The following SPSB3 variants were observed in gnomAD, a reference collection of about 807,000 sequenced individuals.
SPSB3 encodes the protein SPRY domain-containing SOCS box protein 3.
In SPSB3, 18 loss-of-function variants were observed where a neutral mutation model predicts 29.5. The observed-to-expected ratio is 0.61, with a 90% confidence interval of 0.42 to 0.91. SPSB3 has a LOEUF of 0.91. Ranked by LOEUF, SPSB3 falls within the 40% of genes least tolerant of loss-of-function variation. The pLI, the probability that SPSB3 is intolerant of heterozygous loss-of-function variation, is 0.00. For missense variants in SPSB3, 540 were observed against 507.5 expected, an observed-to-expected ratio of 1.06 and a Z score of -0.61; for synonymous variants, 299 against 214.1, an observed-to-expected ratio of 1.40 and a Z score of -3.46.
intron 2 of SPSB3, chr16:1,780,156 G>T (rs998563182): frequency 6.6e-6 from 1 of 152,270 alleles, no homozygotes; most frequent in Non-Finnish European, 1.5e-5. Context: ...GGTGACAGAG[G>T]ACAAGCAGCA....
rs552854113 is a variant in SPSB3, at chr16:1,778,602, G to A, written c.137C>T (p.Ser46Leu). ...GYDSDGQHSD[S>L]DSDPEYSTLP... ...CGTGGAGTACTCGGGGTCGGAGTCC[G>A]AGTCGCTGTGCTGGGAGAGAAGGGC... The change falls in exon 3 of 7, where the codon TCG becomes TTG. Residue 46 changes from serine (S) to leucine (L), a missense_variant. Coordinates refer to ENST00000566339, the MANE Select transcript of SPSB3 (RefSeq NM_080861.4). The A allele has an allele frequency of 6.3e-5, 99 of 1,559,554 alleles. 1 individual carries two copies. The Middle Eastern group carries it at 6.4e-3, about 101-fold the overall frequency.
intron 2 of SPSB3, chr16:1,779,612 C>G (rs1345190308): frequency 1.3e-5 from 2 of 152,412 alleles, no homozygotes; most frequent in African/African-American, 2.4e-5. Context: ...GTGCGGGTCC[C>G]CAGAGCCAGG....
Position 1,778,253 on chromosome 16 carries a change from C to T in SPSB3, c.373G>A (p.Val125Ile), listed in dbSNP as rs746600669. The T allele has an allele frequency of 1.2e-6, 2 of 1,612,916 alleles. No individual in the cohort carries two copies. The highest frequency in any genetic ancestry group is 1.7e-6 in the Non-Finnish European group (2 of 1,179,992). The change falls in exon 4 of 7, where the codon GTC (valine) becomes ATC (isoleucine). Residue 125 changes from valine (V) to isoleucine (I), a missense_variant. Val to Ile is a conservative substitution (Grantham distance 29). Coordinates refer to ENST00000566339, the MANE Select transcript of SPSB3 (RefSeq NM_080861.4). Reference sequence around the variant, plus strand: ...CAGCTGTACTCCATGTGGAAGCTGACCTTACGGTTGTCACAGCTCAGCAGG... The same window carrying T: ...CAGCTGTACTCCATGTGGAAGCTGATCTTACGGTTGTCACAGCTCAGCAGG... ...ATLLSCDNRK[V>I]SFHMEYSCGT...
chr16:1,782,135 G>A (rs946573582), intron 1 of SPSB3: 3 of 153,318 alleles, frequency 2.0e-5, no homozygotes, highest in African/African-American at 7.2e-5. Flanking sequence ...CGCCAGCTCC[G>A]GGGTTCCCGC....
rs1226493669 is a variant in SPSB3, at chr16:1,778,518, G to A, written c.221C>T (p.Ala74Val). ...ACAGAAGGAGGCCTCGCTCTGCCCA[G>A]CACAGTCACAGAAGGACTCGCCGGT... ...PVTGESFCDCAGQSEASFCSS... is the reference protein window; with the variant it reads ...PVTGESFCDCVGQSEASFCSS... Residue 74 changes from alanine to valine, a missense_variant, in exon 3 of 7, where the codon GCT becomes GTT. Coordinates refer to ENST00000566339, the MANE Select transcript of SPSB3 (RefSeq NM_080861.4). 3 of 1,611,636 alleles carry A rather than the reference G, an allele frequency of 1.9e-6. No homozygotes were observed. The highest frequency in any genetic ancestry group is 2.5e-6 in the Non-Finnish European group (3 of 1,179,404).
At position 1,778,227 on chromosome 16, in the gene SPSB3, G is replaced by A. The variant is rs372948589; in HGVS notation, c.399C>T (p.Cys133=). The A allele has an allele frequency of 2.2e-5, 36 of 1,612,756 alleles. 1 individual carries two copies. The highest frequency in any genetic ancestry group is 1.6e-4 in the Middle Eastern group (1 of 6,078). The change falls in exon 4 of 7, where the codon TGC becomes TGT. Residue 133 remains cysteine (C), a synonymous_variant. Transcript: ENST00000566339. ...TGGTGCCCCGGATGGCCGCTGTGCC[G>A]CAGCTGTACTCCATGTGGAAGCTGA... The part of the protein sequence containing the change: ...RKVSFHMEYS[C]GTAAIRGTKE...
intron 2 of SPSB3, 64 bp from the exon 3 acceptor site, chr16:1,778,676 C>G: frequency 1.3e-6 from 2 of 1,491,254 alleles, no homozygotes; most frequent in South Asian, 1.3e-5. Context: ...CCCTTGCCCT[C>G]TGTCCCTGTC....
In SPSB3 at chr16:1,778,145, C is replaced by T. The variant is rs754902144; in HGVS notation, c.481G>A (p.Gly161Ser). 7 of 1,612,618 alleles carry T rather than the reference C, an allele frequency of 4.3e-6. No homozygotes were observed. Among genetic ancestry groups the T allele is most frequent in the Admixed American group, 1.7e-5 (1 of 60,012 alleles). ...CCGAAGCAACTTACCATGTCGGTGC[C>T]GTAGACGGGAGAGGTCATCTTGATC... ...WEIKMTSPVYGTDMMVGIGTS... is the reference protein window; with the variant it reads ...WEIKMTSPVYSTDMMVGIGTS... Residue 161 changes from glycine to serine, a missense_variant, in exon 4 of 7, where the codon GGC becomes AGC. Physicochemically the swap from Gly to Ser is moderately conservative, Grantham distance 56. Coordinates refer to ENST00000566339, the MANE Select transcript of SPSB3 (RefSeq NM_080861.4).
chr16:1,776,833 G>A lies in SPSB3; in HGVS notation c.*264C>T, dbSNP rs2042720262. 1.9e-5 allele frequency: 10 copies of A among 532,058 alleles called. No individual in the cohort carries two copies. In the South Asian group the frequency reaches 2.4e-4, roughly 13 times the overall value. The allele number at this position is 532,058 out of a possible 1,614,324, so 33.0% of individuals were successfully genotyped here. A position where few individuals can be genotyped will look rare whatever the true frequency, so the allele number is the denominator to read the frequency against. On this transcript the variant is annotated 3_prime_UTR_variant, in exon 7 of 7. Coordinates refer to ENST00000566339, the MANE Select transcript of SPSB3 (RefSeq NM_080861.4). ...GAGGCCCTGTGGGAACAGCAACGCG[G>A]GCTCCAGCCAGGCTCTCGTCCTCGC...
In SPSB3 at chr16:1,777,728, A is replaced by C. The variant is rs1446958668; in HGVS notation, c.721+19T>G. ...CGGGGTGACAGCTGAGAGGAGCTCAAGTCCTGTGACGGCCTCACCTATACA... is the reference window on the plus strand; with the variant it reads ...CGGGGTGACAGCTGAGAGGAGCTCACGTCCTGTGACGGCCTCACCTATACA... On this transcript the variant is annotated intron_variant, in intron 6 of 6. Transcript: ENST00000566339. 5 of 1,610,332 alleles carry C rather than the reference A, an allele frequency of 3.1e-6. No individual in the cohort carries two copies. The Admixed American group carries it at 8.3e-5, about 27-fold the overall frequency.
chr16:1,782,280 C>T lies in SPSB3; in HGVS notation c.-13+222G>A, dbSNP rs1298538953. 4 of 151,992 alleles carry T rather than the reference C, an allele frequency of 2.6e-5. 1 individual carries two copies. In the South Asian group the frequency reaches 8.3e-4, roughly 31 times the overall value. The allele number at this position is 151,992 out of a possible 1,614,324, so 9.4% of individuals were successfully genotyped here. On this transcript the variant is annotated intron_variant, in intron 1 of 6. Coordinates refer to ENST00000566339, the MANE Select transcript of SPSB3 (RefSeq NM_080861.4). ...AACCCTGCCCAGCCCCAGGCGAGCG[C>T]GTGTGCAGCGGGAGCCGCCCTCCCC...
Position 1,781,035 on chromosome 16 carries a change from G to C in SPSB3, c.126+323C>G, listed in dbSNP as rs551051010. 12 of 676,770 alleles carry C rather than the reference G, an allele frequency of 1.8e-5. No individual in the cohort carries two copies. The African/African-American group carries it at 2.2e-4, about 12-fold the overall frequency. The allele number at this position is 676,770 out of a possible 1,614,324, so 41.9% of individuals were successfully genotyped here. Reference sequence around the variant, plus strand: ...GGTGTGAGCCACAGTGCCCAGCCCCGTAGTGGAGAATTTCTGTTGAATGAA... The same window carrying C: ...GGTGTGAGCCACAGTGCCCAGCCCCCTAGTGGAGAATTTCTGTTGAATGAA... On this transcript the variant is annotated intron_variant, in intron 2 of 6. Coordinates refer to ENST00000566339, the MANE Select transcript of SPSB3 (RefSeq NM_080861.4).
chr16:1,777,622 C>T (rs1015962015), intron 6 of SPSB3, 125 bp downstream of exon 6: 10 of 1,492,806 alleles, frequency 6.7e-6, no homozygotes, highest in Non-Finnish European at 9.0e-6. Context: ...CCCCTGGGAC[C>T]CTGGGGCCTC....
Position 1,776,847 on chromosome 16 carries a change from T to C in SPSB3, c.*250A>G. 1.9e-6 allele frequency: 1 copy of C among 540,410 alleles called. No individual in the cohort carries two copies. 33.5% of individuals were successfully genotyped at this position (540,410 alleles called of 1,614,324 possible). On this transcript the variant is annotated 3_prime_UTR_variant, in exon 7 of 7. Transcript: ENST00000566339. The stretch of plus-strand genomic sequence containing the variant: ...ACAGCAACGCGGGCTCCAGCCAGGC[T>C]CTCGTCCTCGCAGCCTCCCACAAGA...
intron 6 of SPSB3, 41 bp from the exon 7 acceptor site, chr16:1,777,484 G>A: frequency 6.9e-7 from 1 of 1,457,708 alleles, no homozygotes; most frequent in East Asian, 2.5e-5. Flanking sequence ...GGCAGGGAAG[G>A]GGCCAGCTAC....
chr16:1,777,464 C>G, intron 6 of SPSB3, 21 bp from the exon 7 acceptor site: 2 of 1,477,526 alleles, frequency 1.4e-6, no homozygotes, highest in Non-Finnish European at 1.8e-6. Context: ...GGGGCCCAGC[C>G]TGAACCCCAG....
intron 2 of SPSB3, chr16:1,779,588 C>G (rs1375362544): frequency 1.3e-5 from 2 of 152,390 alleles, no homozygotes; most frequent in African/African-American, 2.4e-5. Flanking sequence ...ACAACTCTAC[C>G]CCACTGCCTA....
At chr16:1,781,021 C>G in intron 2 of SPSB3, 1 of 567,450 alleles carries the variant, frequency 1.8e-6, no homozygotes, top group South Asian at 1.9e-5. Context: ...GTGTGAGCCA[C>G]AGTGCCCAGC....
chr16:1,781,336 C>T (rs1896702138), intron 2 of SPSB3, 22 bp downstream of exon 2: 5 of 1,612,886 alleles, frequency 3.1e-6, no homozygotes, highest in Admixed American at 1.7e-5. Context: ...CAGCCACGTC[C>T]GCCTCGCCCG....
Sources: gnomAD v4.1 joint callset for allele counts on GRCh38, gnomAD v4.1.1 for gene constraint, MANE v1.5 for transcripts, NCBI Gene and HGNC (gene_info 2026-07-23, HGNC 2026-07-21) for gene names.